The following SEMA3A variants were observed in gnomAD, a reference collection of about 807,000 sequenced individuals.
The protein encoded by SEMA3A is semaphorin-3A.
Under a neutral mutation model 97.9 loss-of-function variants are expected in SEMA3A, and 29 were observed. The observed-to-expected ratio is 0.30, with a 90% confidence interval of 0.22 to 0.40. The LOEUF is 0.40. Among genes scored for constraint, SEMA3A ranks in the 10% least tolerant of loss-of-function variants. The pLI, the probability that SEMA3A is intolerant of heterozygous loss-of-function variation, is 1.00. For missense variants in SEMA3A, 763 were observed against 951.3 expected, an observed-to-expected ratio of 0.80 and a Z score of 2.60; for synonymous variants, 321 against 323.7, an observed-to-expected ratio of 0.99 and a Z score of 0.09.
At chr7:84,055,364 G>T (rs1250026810) in intron 5 of SEMA3A, among the ~76,000 whole-genome samples, 2 of 152,184 alleles carry the variant, frequency 1.3e-5, no homozygotes, top group Admixed American at 1.3e-4. Context: ...AGACTCCGTG[G>T]GCGTAGGACC....
chr7:84,196,966 T>C (rs1798246578), upstream of SEMA3A, among the ~76,000 whole-genome samples: 1 of 152,128 alleles, frequency 6.6e-6, no homozygotes, highest in Non-Finnish European at 1.5e-5. Flanking sequence ...ATTTCACCTG[T>C]GTAATGTCTA....
intron 1 of SEMA3A, among the ~76,000 whole-genome samples, chr7:84,387,707 T>C (rs1238479827): frequency 6.6e-6 from 1 of 152,200 alleles, no homozygotes; most frequent in Non-Finnish European, 1.5e-5. Context: ...GACTCTTTTA[T>C]AGCCATCCTG....
chr7:84,047,279 G>C (rs1241452757), intron 5 of SEMA3A, among the ~76,000 whole-genome samples: 3 of 151,912 alleles, frequency 2.0e-5, no homozygotes, highest in Non-Finnish European at 2.9e-5. Context: ...AGACAAGAAG[G>C]GGGTAAAAGA....
chr7:84,478,894 TAGA>T (rs969310977), intron 1 of SEMA3A, among the ~76,000 whole-genome samples: 7 of 152,098 alleles, frequency 4.6e-5, no homozygotes, highest in Non-Finnish European at 8.8e-5. Flanking sequence ...CTAAGTTAAA[TAGA>T]AGGTGATATG....
chr7:84,262,584 C>T (rs1799884801), intron 3 of SEMA3A, among the ~76,000 whole-genome samples: 1 of 152,150 alleles, frequency 6.6e-6, no homozygotes, highest in Non-Finnish European at 1.5e-5. Context: ...GATGGAAACT[C>T]TTTTGCCTTA....
rs551503041 is a variant in SEMA3A at position 84,273,791 on chromosome 7, T to G, written c.-83+33416A>C. On this transcript the variant is annotated intron_variant, in intron 3 of 3. Coordinates refer to the SEMA3A transcript ENST00000424555. Reference sequence around the variant, plus strand: ...AGGCTCTTTGTCCTGCTCTATTTTTTTCTTTACTATTAGAGTCATGTATAA... The same window carrying G: ...AGGCTCTTTGTCCTGCTCTATTTTTGTCTTTACTATTAGAGTCATGTATAA... Among the ~76,000 whole-genome samples the G allele has an allele frequency of 3.9e-5, 6 of 152,230 alleles. No homozygotes were observed. In the South Asian group the frequency reaches 1.2e-3, roughly 32 times the overall value.
intron 3 of SEMA3A, among the ~76,000 whole-genome samples, chr7:84,291,301 T>G (rs2115785158): frequency 6.6e-6 from 1 of 152,264 alleles, no homozygotes; most frequent in Admixed American, 6.5e-5. Context: ...ATGATATAGA[T>G]TTGCATTTCA....
chr7:84,152,839 G>A (rs1234481810), intron 1 of SEMA3A, among the ~76,000 whole-genome samples: 3 of 151,748 alleles, frequency 2.0e-5, no homozygotes, highest in African/African-American at 2.4e-5. Flanking sequence ...TGTAAAGCAG[G>A]CATTTGTTTT....
intron 1 of SEMA3A, among the ~76,000 whole-genome samples, chr7:84,188,821 A>C (rs999569935): frequency 1.3e-5 from 2 of 151,906 alleles, no homozygotes; most frequent in Non-Finnish European, 2.9e-5. Context: ...TCAGGATCAA[A>C]ATGTACCAAT....
intron 2 of SEMA3A, among the ~76,000 whole-genome samples, chr7:84,325,098 C>T (rs931189735): frequency 6.6e-6 from 1 of 151,618 alleles, no homozygotes. Flanking sequence ...AGACCTGTCA[C>T]AATGGAGAAT....
At chr7:84,301,641 A>G (rs59179675) in intron 3 of SEMA3A, among the ~76,000 whole-genome samples, 2,684 of 152,226 alleles carry the variant, frequency 0.018, 81 homozygotes, top group African/African-American at 0.062. Context: ...TAAATATCTG[A>G]TGCTTTGAAG....
At chr7:84,099,699 C>A (rs912193654) in intron 4 of SEMA3A, among the ~76,000 whole-genome samples, 4 of 152,028 alleles carry the variant, frequency 2.6e-5, no homozygotes, top group African/African-American at 9.7e-5. Flanking sequence ...AGTTATATTT[C>A]ATCTAATGGC....
chr7:84,260,213 T>C (rs1799816375), intron 3 of SEMA3A, among the ~76,000 whole-genome samples: 1 of 152,152 alleles, frequency 6.6e-6, no homozygotes, highest in Non-Finnish European at 1.5e-5. Flanking sequence ...AAAACATTAC[T>C]CTCTCCATAA....
At chr7:84,271,801 C>T (rs752995442) in intron 3 of SEMA3A, among the ~76,000 whole-genome samples, 1 of 152,116 alleles carries the variant, frequency 6.6e-6, no homozygotes, top group Non-Finnish European at 1.5e-5. Flanking sequence ...CCACTGAAAT[C>T]TAGTCAGAAA....
At chr7:84,132,662 GTTTTTTTTTTTTTTTT>G (rs55830654) in intron 2 of SEMA3A, among the ~76,000 whole-genome samples, 2 of 86,630 alleles carry the variant, frequency 2.3e-5, no homozygotes, top group Non-Finnish European at 4.4e-5. Context: ...TCGACTTGGT[GTTTTTTTTTTTTTTTT>G]TTTTTTTTTT....
In SEMA3A at chr7:84,293,401, A is replaced by T. The variant is rs984651622; in HGVS notation, c.-83+13806T>A. Among the ~76,000 whole-genome samples, 5 of 151,408 alleles carry T rather than the reference A, an allele frequency of 3.3e-5. No homozygotes were observed. In the East Asian group the frequency reaches 5.8e-4, roughly 18 times the overall value. ...GTTTCTTTCTGAACATGAATCAATA[A>T]TTTTTTTTTGTATTTGGCATGTAGA... On this transcript the variant is annotated intron_variant, in intron 3 of 3. Transcript: ENST00000424555.
chr7:83,978,576 G>C (rs764065170), intron 14 of SEMA3A, among the ~76,000 whole-genome samples: 45 of 152,260 alleles, frequency 3.0e-4, no homozygotes, highest in Admixed American at 4.6e-4. Flanking sequence ...TCCCTAAAAA[G>C]AACTCTCACA....
intron 2 of SEMA3A, among the ~76,000 whole-genome samples, chr7:84,131,695 GAAGA>G (rs1254613759): frequency 1.3e-5 from 2 of 152,100 alleles, no homozygotes; most frequent in East Asian, 3.9e-4. Context: ...TAGGCGCTTA[GAAGA>G]AAGCTATTTG....
intron 2 of SEMA3A, among the ~76,000 whole-genome samples, chr7:84,345,490 C>T (rs1271965697): frequency 6.6e-6 from 1 of 152,190 alleles, no homozygotes; most frequent in South Asian, 2.1e-4. Flanking sequence ...CACAGTAGAA[C>T]TTCTTTCAAA....
Sources: gnomAD v4.1 joint callset for allele counts (sites outside exome capture counted in the v4.1 genomes callset) on GRCh38, gnomAD v4.1.1 for gene constraint, MANE v1.5 for transcripts, NCBI Gene and HGNC (gene_info 2026-07-23, HGNC 2026-07-21) for gene names.